The following ACACA variants were observed in gnomAD, a reference collection of about 807,000 sequenced individuals.
ACACA encodes the protein acetyl-CoA carboxylase 1.
Under a neutral mutation model 296.1 loss-of-function variants are expected in ACACA, and 103 were observed. The ratio of observed to expected loss-of-function variants is 0.35; its 90% CI spans 0.30 to 0.41. The LOEUF (loss-of-function observed/expected upper bound fraction) is 0.41, where lower values mean the gene tolerates loss of function less well. ACACA is among the 10% of genes least tolerant of loss of function. The probability of loss-of-function intolerance (pLI) is 1.00; values close to 1 mark genes in which losing one functional copy is unlikely to be tolerated. For missense variants in ACACA, 1,554 were observed against 2,989.7 expected (o/e 0.52, Z 11.20); for synonymous variants, 953 against 1,038.6 (o/e 0.92, Z 1.58).
intron 3 of ACACA, among the ~76,000 whole-genome samples, chr17:37,289,123 C>T (rs1349775526): frequency 2.0e-5 from 3 of 151,872 alleles, no homozygotes; most frequent in African/African-American, 4.8e-5. Flanking sequence ...ATTAGCCAGA[C>T]GTGGTGGCAG....
intron 1 of ACACA, among the ~76,000 whole-genome samples, chr17:37,341,318 C>T (rs1597648746): frequency 6.6e-6 from 1 of 152,056 alleles, no homozygotes; most frequent in Admixed American, 6.6e-5. Flanking sequence ...ATGACAGTAT[C>T]CATAGTTTTG....
intron 3 of ACACA, among the ~76,000 whole-genome samples, chr17:37,291,406 C>G (rs557299727): frequency 1.2e-3 from 187 of 152,096 alleles, no homozygotes; most frequent in African/African-American, 4.1e-3. Context: ...GAGCTCCCAA[C>G]CTCAGGTGAT....
chr17:37,221,467 G>A, intron 29 of ACACA: 1 of 503,684 alleles, frequency 2.0e-6, no homozygotes, highest in Non-Finnish European at 3.5e-6. Context: ...TTTTAAAAAA[G>A]AAACTATTTC....
intron 38 of ACACA, among the ~76,000 whole-genome samples, chr17:37,190,397 C>T (rs2077704591): frequency 6.6e-6 from 1 of 151,196 alleles, no homozygotes. Flanking sequence ...GCCACTGCTT[C>T]AGCCTGGGCA....
intron 5 of ACACA, among the ~76,000 whole-genome samples, chr17:37,281,528 A>G (rs1458698479): frequency 6.6e-6 from 1 of 152,230 alleles, no homozygotes; most frequent in Non-Finnish European, 1.5e-5. Context: ...ATGTTAAGTG[A>G]ATGAATAAAT....
At chr17:37,335,413 T>TCCCCCC (rs1183659147) in intron 2 of ACACA, among the ~76,000 whole-genome samples, 2 of 152,238 alleles carry the variant, frequency 1.3e-5, no homozygotes, top group East Asian at 3.9e-4. Context: ...CACAGCCAAC[T>TCCCCCC]CCCAATGCAT....
At chr17:37,355,751 G>A (rs2147533993) in intron 1 of ACACA, among the ~76,000 whole-genome samples, 1 of 151,794 alleles carries the variant, frequency 6.6e-6, no homozygotes, top group South Asian at 2.1e-4. Flanking sequence ...CCAGCTACTC[G>A]AGGGGCTGAG....
chr17:37,232,422 C>T (rs184333307), intron 25 of ACACA, among the ~76,000 whole-genome samples: 4 of 152,152 alleles, frequency 2.6e-5, no homozygotes, highest in Non-Finnish European at 2.9e-5. Context: ...TACTAAGATC[C>T]GAGGAAAGAA....
At chr17:37,122,897 C>G (rs890376031) in intron 48 of ACACA, 1 of 538,720 alleles carries the variant, frequency 1.9e-6, no homozygotes, top group Admixed American at 3.0e-5. Flanking sequence ...TCTAGGGGAG[C>G]CTCTACATTT....
intron 14 of ACACA, among the ~76,000 whole-genome samples, chr17:37,256,945 T>C (rs1036688901): frequency 2.0e-5 from 3 of 152,088 alleles, no homozygotes; most frequent in Non-Finnish European, 4.4e-5. Context: ...CAATAAACCA[T>C]TAAAAAACAG....
In ACACA at chr17:37,088,918, G is replaced by C. The variant is rs199680656; in HGVS notation, c.7028+20C>G. The C allele has an allele frequency of 6.2e-5, 100 of 1,613,906 alleles. No individual in the cohort carries two copies. Among genetic ancestry groups the C allele is most frequent in the Non-Finnish European group, 8.1e-5 (95 of 1,179,876 alleles). On this transcript the variant is annotated intron_variant, in intron 55 of 55. Coordinates refer to ENST00000616317, the MANE Select transcript of ACACA (RefSeq NM_198834.3). ...AAATTAGCCCTCCTTCTCTAGTGGA[G>C]TTCCCCACGTTGGTCTCACCTGCGG...
At chr17:37,109,351 G>T (rs1021186947) in intron 52 of ACACA, among the ~76,000 whole-genome samples, 2 of 152,230 alleles carry the variant, frequency 1.3e-5, no homozygotes, top group African/African-American at 4.8e-5. Flanking sequence ...ATGCAATGAA[G>T]TAAATGCATG....
chr17:37,153,772 A>G (rs959239235), intron 43 of ACACA, among the ~76,000 whole-genome samples: 1 of 152,226 alleles, frequency 6.6e-6, no homozygotes, highest in African/African-American at 2.4e-5. Flanking sequence ...TGAAAAAATT[A>G]CTGAGACACT....
chr17:37,386,718 C>A (rs946748580), intron 1 of ACACA, among the ~76,000 whole-genome samples: 1 of 152,180 alleles, frequency 6.6e-6, no homozygotes, highest in Non-Finnish European at 1.5e-5. Flanking sequence ...ACAGAAAAAA[C>A]TGTATTTCTG....
chr17:37,338,601 CTG>C (rs2048243738), intron 2 of ACACA, among the ~76,000 whole-genome samples: 1 of 150,914 alleles, frequency 6.6e-6, no homozygotes, highest in Non-Finnish European at 1.5e-5. Context: ...GAGCGAGACT[CTG>C]TCTCAAAAAA....
At chr17:37,103,858 G>A (rs991193911) in intron 52 of ACACA, among the ~76,000 whole-genome samples, 13 of 151,936 alleles carry the variant, frequency 8.6e-5, no homozygotes, top group African/African-American at 2.2e-4. Flanking sequence ...GCAACAGAGC[G>A]AGACCCTGTC....
intron 3 of ACACA, among the ~76,000 whole-genome samples, chr17:37,298,541 G>T (rs2083464416): frequency 6.6e-6 from 1 of 152,094 alleles, no homozygotes; most frequent in South Asian, 2.1e-4. Context: ...AAAAAAATTA[G>T]CCAGGCATGA....
chr17:37,310,339 G>C (rs1454640568), intron 3 of ACACA, among the ~76,000 whole-genome samples: 1 of 152,098 alleles, frequency 6.6e-6, no homozygotes, highest in Non-Finnish European at 1.5e-5. Flanking sequence ...TTATGAAGAA[G>C]ATAGGGGAAA....
intron 30 of ACACA, among the ~76,000 whole-genome samples, chr17:37,208,849 G>A (rs2078626349): frequency 6.6e-6 from 1 of 152,224 alleles, no homozygotes; most frequent in African/African-American, 2.4e-5. Flanking sequence ...CAAGTTCAGG[G>A]CAAGGCAATG....
Sources: allele counts gnomAD v4.1 joint callset (sites outside exome capture counted in the v4.1 genomes callset), GRCh38; gene constraint gnomAD v4.1.1; transcripts MANE v1.5; gene names NCBI Gene and HGNC (gene_info 2026-07-23, HGNC 2026-07-21).